Variants in BZW2 observed in about 807,000 individuals in gnomAD.
BZW2 encodes eIF5-mimic protein 1.
Under a neutral mutation model 53.2 loss-of-function variants are expected in BZW2, and 23 were observed. The observed-to-expected ratio is 0.43, with a 90% confidence interval of 0.31 to 0.61. The LOEUF (loss-of-function observed/expected upper bound fraction) is 0.61, where lower values mean the gene tolerates loss of function less well. BZW2 is among the 20% of genes least tolerant of loss of function. BZW2 has a pLI of 0.09. For synonymous variants in BZW2, 227 were observed against 186.4 expected, an observed-to-expected ratio of 1.22 and a Z score of -1.77; for missense variants, 409 against 503.1, an observed-to-expected ratio of 0.81 and a Z score of 1.79.
chr7:16,661,449 T>C (rs1043559758), intron 1 of BZW2: 1 of 152,096 alleles, frequency 6.6e-6, no homozygotes, highest in African/African-American at 2.4e-5. Context: ...CAGAGTCTCA[T>C]TGCAAGTTAA....
intron 8 of BZW2, among the ~76,000 whole-genome samples, 192 bp from the exon 9 acceptor site, chr7:16,696,723 A>G (rs867850052): frequency 6.6e-6 from 1 of 152,148 alleles, no homozygotes; most frequent in South Asian, 2.1e-4. Context: ...GGGACTAAAA[A>G]TAAATTTGCT....
rs146833365 is a variant in BZW2 at position 16,665,480 on chromosome 7, C to G, written c.37C>G (p.Arg13Gly). ...TCAGAAGCCAGTGCTAACAGGCCAGCGGTTCAAAACTCGGAAAAGGGGTAG... is the reference window on the plus strand; with the variant it reads ...TCAGAAGCCAGTGCTAACAGGCCAGGGGTTCAAAACTCGGAAAAGGGGTAG... ...KHQKPVLTGQ[R>G]FKTRKRDEKE... is the part of the protein sequence containing the mutation. Residue 13 changes from arginine to glycine, a missense_variant, in exon 2 of 12, where the codon CGG becomes GGG. Coordinates refer to ENST00000258761, the MANE Select transcript of BZW2 (RefSeq NM_014038.3). 1 of 1,613,652 alleles carries G rather than the reference C, an allele frequency of 6.2e-7. No individual in the cohort carries two copies. The highest frequency in any genetic ancestry group is 8.5e-7 in the Non-Finnish European group (1 of 1,179,982).
At chr7:16,680,197 G>A (rs1562487780) in intron 3 of BZW2, among the ~76,000 whole-genome samples, 1 of 152,156 alleles carries the variant, frequency 6.6e-6, no homozygotes, top group Non-Finnish European at 1.5e-5. Flanking sequence ...GATCTGGTCA[G>A]TTCTGTAGTT....
At chr7:16,704,744 C>A in intron 11 of BZW2, 75 bp downstream of exon 11, 1 of 1,348,154 alleles carries the variant, frequency 7.4e-7, no homozygotes, top group Non-Finnish European at 9.7e-7. Context: ...ACCTCTTCCA[C>A]AGATTTTACT....
chr7:16,672,874 G>A (rs1383291713), intron 2 of BZW2, among the ~76,000 whole-genome samples: 1 of 150,912 alleles, frequency 6.6e-6, no homozygotes, highest in Non-Finnish European at 1.5e-5. Flanking sequence ...AGACTCATGT[G>A]TCCATTTCAC....
At chr7:16,689,458 A>T (rs1783234210) in intron 6 of BZW2, among the ~76,000 whole-genome samples, 1 of 152,202 alleles carries the variant, frequency 6.6e-6, no homozygotes, top group South Asian at 2.1e-4. Flanking sequence ...GATGAAATAC[A>T]TATGAACCAG....
intron 4 of BZW2, 123 bp from the exon 5 acceptor site, chr7:16,682,657 G>T (rs557338129): frequency 1.1e-5 from 5 of 450,772 alleles, no homozygotes; most frequent in African/African-American, 1.0e-4. Context: ...ATATTACAGT[G>T]TGAGCCTGTT....
In BZW2 at chr7:16,682,745, G is replaced by A. The variant is rs818502; in HGVS notation, c.340-35G>A. 47,540 of 1,403,308 alleles carry A rather than the reference G, an allele frequency of 0.034. 5,469 individuals are homozygous for A. The African/African-American group carries it at 0.38, about 11-fold the overall frequency. The allele number at this position is 1,403,308 out of a possible 1,614,324, so 86.9% of individuals were successfully genotyped here. A position where few individuals can be genotyped will look rare whatever the true frequency, so the allele number is the denominator to read the frequency against. On this transcript the variant is annotated intron_variant, in intron 4 of 11. Transcript: ENST00000258761. ...TATTACCTACTTCTGTGTCTTTTTG[G>A]TTGACCTAATATTTAATGGTTGTTT... is the stretch of plus-strand genomic sequence containing the variant.
chr7:16,675,377 T>C (rs1303715547), intron 3 of BZW2, among the ~76,000 whole-genome samples: 2 of 152,208 alleles, frequency 1.3e-5, no homozygotes, highest in South Asian at 2.1e-4. Flanking sequence ...TTTGTCTACC[T>C]GCTATGCAAA....
chr7:16,703,222 C>G (rs1212953997), intron 10 of BZW2, among the ~76,000 whole-genome samples: 2 of 152,178 alleles, frequency 1.3e-5, no homozygotes, highest in Non-Finnish European at 2.9e-5. Context: ...GTAGCTCTTA[C>G]ATCCAGGCTC....
At chr7:16,687,511 G>C (rs867739953) in intron 6 of BZW2, 4 of 152,034 alleles carry the variant, frequency 2.6e-5, no homozygotes, top group African/African-American at 7.3e-5. Flanking sequence ...GAGGCCAGGA[G>C]TTTGAGACCA....
chr7:16,691,515 A>AT (rs1340949555), intron 7 of BZW2, among the ~76,000 whole-genome samples: 2 of 152,208 alleles, frequency 1.3e-5, no homozygotes, highest in African/African-American at 4.8e-5. Flanking sequence ...CATCTGGGCC[A>AT]TTCTGTCTTC....
intron 8 of BZW2, among the ~76,000 whole-genome samples, chr7:16,696,505 A>G (rs1175705905): frequency 6.6e-6 from 1 of 152,056 alleles, no homozygotes; most frequent in Non-Finnish European, 1.5e-5. Flanking sequence ...GTACAAACCC[A>G]AGATGGTATC....
intron 8 of BZW2, among the ~76,000 whole-genome samples, chr7:16,696,441 G>A (rs573092992): frequency 1.1e-3 from 165 of 152,302 alleles, no homozygotes; most frequent in Non-Finnish European, 1.7e-3. Flanking sequence ...CTGAGATGGG[G>A]CATAAGGATC....
intron 2 of BZW2, among the ~76,000 whole-genome samples, chr7:16,672,258 C>T (rs1339140910): frequency 3.9e-5 from 6 of 152,054 alleles, no homozygotes; most frequent in Non-Finnish European, 2.9e-5. Context: ...AATTTCCTTT[C>T]CTTTGTTTTC....
chr7:16,669,629 G>C (rs893971167), intron 2 of BZW2, among the ~76,000 whole-genome samples: 2 of 152,190 alleles, frequency 1.3e-5, no homozygotes, highest in African/African-American at 4.8e-5. Context: ...CATCCAGAAA[G>C]GGATGTAGGT....
chr7:16,681,455 C>A, intron 4 of BZW2, 51 bp downstream of exon 4: 1 of 1,451,418 alleles, frequency 6.9e-7, no homozygotes, highest in Non-Finnish European at 9.6e-7. Flanking sequence ...GAGGAAAACT[C>A]TATAGAAGCT....
rs188134696 is a variant in BZW2, at chr7:16,670,677, T to G, written c.59-3735T>G. The stretch of plus-strand genomic sequence containing the variant: ...TGCTTTTCAGTGGGTTCCTTTTGTG[T>G]AGAAACCCAGTTATCCCCTCCTCCC... On this transcript the variant is annotated intron_variant, in intron 2 of 11. Coordinates refer to ENST00000258761, the MANE Select transcript of BZW2 (RefSeq NM_014038.3). 3.9e-3 allele frequency among the ~76,000 whole-genome samples: 590 copies of G among 152,168 alleles called. 5 individuals are homozygous for G. Among genetic ancestry groups the G allele is most frequent in the African/African-American group, 0.013 (553 of 41,508 alleles).
chr7:16,663,248 C>G (rs1249788620), intron 1 of BZW2, among the ~76,000 whole-genome samples: 1 of 152,038 alleles, frequency 6.6e-6, no homozygotes, highest in Non-Finnish European at 1.5e-5. Flanking sequence ...TATTCTTACA[C>G]TGGTCTGTGT....
Sources: gnomAD v4.1 joint callset for allele counts (sites outside exome capture counted in the v4.1 genomes callset) on GRCh38, gnomAD v4.1.1 for gene constraint, MANE v1.5 for transcripts, NCBI Gene and HGNC (gene_info 2026-07-23, HGNC 2026-07-21) for gene names.